The following VWA5A variants were observed in gnomAD, a reference collection of about 807,000 sequenced individuals.
VWA5A encodes the protein von Willebrand factor A domain containing 5A, also known as von Willebrand factor A domain-containing protein 5A.
In VWA5A, 77 loss-of-function variants were observed where a neutral mutation model predicts 84.6. The observed-to-expected ratio is 0.91, with a 90% CI of 0.76 to 1.10. VWA5A has a LOEUF of 1.10. VWA5A is among the 50% of genes least tolerant of loss of function. VWA5A has a pLI of 0.00. For missense variants in VWA5A, 973 were observed against 963.0 expected (o/e 1.01, Z -0.14); for synonymous variants, 334 against 350.1 (o/e 0.95, Z 0.51).
chr11:124,122,227 C>T (rs1295437613), intron 7 of VWA5A, among the ~76,000 whole-genome samples: 1 of 152,212 alleles, frequency 6.6e-6, no homozygotes, highest in African/African-American at 2.4e-5. Context: ...CTCATTGCAT[C>T]TCTATCTCAA....
chr11:124,133,127 C>A (rs1865122055), intron 11 of VWA5A, among the ~76,000 whole-genome samples: 1 of 152,160 alleles, frequency 6.6e-6, no homozygotes, highest in Non-Finnish European at 1.5e-5. Context: ...AGGATTCATT[C>A]TTTTCATTCT....
In VWA5A at chr11:124,123,167, C is replaced by T. The variant is rs762736717; in HGVS notation, c.930+38C>T. On this transcript the variant is annotated intron_variant, in intron 8 of 18. Transcript: ENST00000456829. ...TCTTTCCTCTTCTGGGTCACATGCT[C>T]AAGTGAGGATGAATCTGAGGGGTTA... is the stretch of plus-strand genomic sequence containing the variant. The T allele has an allele frequency of 2.5e-6, 4 of 1,594,198 alleles. No homozygotes were observed. In the African/African-American group the frequency reaches 5.4e-5, roughly 21 times the overall value.
chr11:124,136,011 T>G, intron 12 of VWA5A, 118 bp from the exon 13 acceptor site: 1 of 1,146,156 alleles, frequency 8.7e-7, no homozygotes, highest in Non-Finnish European at 1.3e-6. Flanking sequence ...AGAATAGTAT[T>G]GAGGAGTAGG....
chr11:124,129,330 G>C (rs1411990466), intron 11 of VWA5A, among the ~76,000 whole-genome samples: 1 of 152,108 alleles, frequency 6.6e-6, no homozygotes, highest in African/African-American at 2.4e-5. Flanking sequence ...GGATGAAGCT[G>C]ACTTGATCAT....
At chr11:124,115,640 C>T (rs1298957981) in intron 1 of VWA5A, 158 bp downstream of exon 1, 1 of 152,206 alleles carries the variant, frequency 6.6e-6, no homozygotes, top group Admixed American at 6.5e-5. Flanking sequence ...GATGTATGAT[C>T]CCCAGGAAGG....
At chr11:124,141,821 G>A (rs1860733608) in intron 16 of VWA5A, 80 bp downstream of exon 16, 1 of 1,520,920 alleles carries the variant, frequency 6.6e-7, no homozygotes, top group Non-Finnish European at 8.9e-7. Context: ...AAAGCTTGTA[G>A]TTACAGCTAT....
Position 124,143,586 on chromosome 11 carries a change from T to C in VWA5A, c.2154+1014T>C, listed in dbSNP as rs1565292317. ...TCATCAATAATTATTTTTATATTGA[T>C]TGCATGTTAAAATGATGACTTTTTA... On this transcript the variant is annotated intron_variant, in intron 17 of 18. Coordinates refer to ENST00000456829, the MANE Select transcript of VWA5A (RefSeq NM_001130142.2). 3.3e-5 allele frequency among the ~76,000 whole-genome samples: 5 copies of C among 152,364 alleles called. No individual in the cohort carries two copies. In the South Asian group the frequency reaches 1.0e-3, roughly 32 times the overall value.
intron 11 of VWA5A, among the ~76,000 whole-genome samples, chr11:124,131,807 A>T (rs896170571): frequency 1.1e-4 from 17 of 150,758 alleles, no homozygotes; most frequent in African/African-American, 3.7e-4. Context: ...TTTTTTTTTA[A>T]AAAATTTTCT....
intron 8 of VWA5A, 99 bp downstream of exon 8, chr11:124,123,228 G>A (rs967923579): frequency 1.6e-5 from 24 of 1,528,280 alleles, no homozygotes; most frequent in Admixed American, 2.0e-5. Flanking sequence ...AGAGCAGCAC[G>A]ACCACCCTGA....
At chr11:124,142,603 G>C in intron 17 of VWA5A, 31 bp downstream of exon 17, 1 of 1,612,634 alleles carries the variant, frequency 6.2e-7, no homozygotes, top group Non-Finnish European at 8.5e-7. Flanking sequence ...GAGTATGTAT[G>C]TTTTTGAGAG....
At chr11:124,144,878 G>GT (rs2137669601) in intron 17 of VWA5A, among the ~76,000 whole-genome samples, 1 of 152,076 alleles carries the variant, frequency 6.6e-6, no homozygotes, top group Non-Finnish European at 1.5e-5. Flanking sequence ...GATTTCTTTG[G>GT]TGGGGGGGTA....
rs541762457 is a variant in VWA5A at position 124,126,501 on chromosome 11, C to T, written c.1244+2185C>T. 5.9e-5 allele frequency among the ~76,000 whole-genome samples: 9 copies of T among 152,284 alleles called. No individual in the cohort carries two copies. In the South Asian group the frequency reaches 1.7e-3, roughly 28 times the overall value. Reference sequence around the variant, plus strand: ...GGGGCTGGCCGCAGTGATTGAAGTCCTGTAATCCCAGCACTTTGGGAGGCC... The same window carrying T: ...GGGGCTGGCCGCAGTGATTGAAGTCTTGTAATCCCAGCACTTTGGGAGGCC... On this transcript the variant is annotated intron_variant, in intron 11 of 18. Coordinates refer to ENST00000456829, the MANE Select transcript of VWA5A (RefSeq NM_001130142.2).
At chr11:124,120,678 C>T (rs1317424496) in intron 7 of VWA5A, among the ~76,000 whole-genome samples, 1 of 152,198 alleles carries the variant, frequency 6.6e-6, no homozygotes, top group African/African-American at 2.4e-5. Flanking sequence ...ACCATCTCCT[C>T]TTCCACGAAG....
chr11:124,121,930 C>T (rs573311074), intron 7 of VWA5A, among the ~76,000 whole-genome samples: 6 of 152,340 alleles, frequency 3.9e-5, no homozygotes, highest in Admixed American at 1.3e-4. Flanking sequence ...AAAGCTCCTC[C>T]TCCATCGTAT....
intron 7 of VWA5A, among the ~76,000 whole-genome samples, chr11:124,120,983 A>T (rs1180181900): frequency 1.3e-5 from 2 of 152,180 alleles, no homozygotes; most frequent in African/African-American, 4.8e-5. Flanking sequence ...CAGTCTTTAC[A>T]GTCTTGTGAA....
chr11:124,126,288 T>G (rs1028368237), intron 11 of VWA5A, among the ~76,000 whole-genome samples: 3 of 152,238 alleles, frequency 2.0e-5, no homozygotes, highest in Non-Finnish European at 2.9e-5. Flanking sequence ...ATTGGTATAT[T>G]GGCTAGAACT....
chr11:124,119,610 T>A (rs563919398), intron 7 of VWA5A, among the ~76,000 whole-genome samples: 1 of 152,342 alleles, frequency 6.6e-6, no homozygotes, highest in Admixed American at 6.5e-5. Context: ...AGTAAAAATA[T>A]GCACTGAGAT....
intron 17 of VWA5A, among the ~76,000 whole-genome samples, chr11:124,144,292 G>T (rs1243892875): frequency 6.6e-6 from 1 of 152,116 alleles, no homozygotes; most frequent in African/African-American, 2.4e-5. Flanking sequence ...GAAAATCAGA[G>T]GTTTTAGATG....
rs571133706 is a variant in VWA5A, at chr11:124,146,769, G to A, written c.*824G>A. On this transcript the variant is annotated 3_prime_UTR_variant, in exon 19 of 19. Transcript: ENST00000456829. The stretch of plus-strand genomic sequence containing the variant: ...GAACCTGGAGCACTTACCGCATTAG[G>A]AAGAAAGGAGCTCCCCGTAATCGTT... The A allele has an allele frequency of 7.9e-5, 12 of 152,350 alleles. No individual in the cohort carries two copies. The highest frequency in any genetic ancestry group is 2.9e-4 in the African/African-American group (12 of 41,536). 9.4% of individuals were successfully genotyped at this position (152,350 alleles called of 1,614,324 possible).
Sources: gnomAD v4.1 joint callset for allele counts (sites outside exome capture counted in the v4.1 genomes callset) on GRCh38, gnomAD v4.1.1 for gene constraint, MANE v1.5 for transcripts, NCBI Gene and HGNC (gene_info 2026-07-23, HGNC 2026-07-21) for gene names.